Variants in DNMT3A observed in about 807,000 individuals in gnomAD.
The protein encoded by DNMT3A is DNA methyltransferase 3 alpha, also known as DNA (cytosine-5)-methyltransferase 3A.
Under a neutral mutation model 117.6 loss-of-function variants are expected in DNMT3A, and 267 were observed. The observed-to-expected ratio is 2.27, with a 90% CI of 2.05 to 2.51. DNMT3A has a LOEUF of 2.51. Among genes scored for constraint, DNMT3A ranks in the 30% most tolerant of loss-of-function variants. The probability of loss-of-function intolerance (pLI) is 0.00; values close to 1 mark genes in which losing one functional copy is unlikely to be tolerated. For synonymous variants in DNMT3A, 432 were observed against 474.8 expected, an observed-to-expected ratio of 0.91 and a Z score of 1.17; for missense variants, 1,029 against 1,260.2, an observed-to-expected ratio of 0.82 and a Z score of 2.78.
intron 6 of DNMT3A, among the ~76,000 whole-genome samples, chr2:25,255,593 A>T (rs1315727204): frequency 1.3e-5 from 2 of 152,210 alleles, no homozygotes; most frequent in Non-Finnish European, 2.9e-5. Context: ...CCTAAGCCCG[A>T]CAAAAATACC....
rs1675084990 is a variant in DNMT3A at position 25,248,183 on chromosome 2, G to A, written c.709C>T (p.Gln237Ter). Residue 237 changes from glutamine to a stop codon, truncating the protein, a stop_gained, in exon 7 of 23, where the codon CAG becomes TAG. Transcript: ENST00000321117. LOFTEE classifies it high-confidence loss of function. ...VEENQGPGES[Q>*]KVEEASPPAV... is the part of the protein sequence containing the mutation. ...GGAGGGCTGGCCTCCTCCACCTTCT[G>A]AGACTCCCCGGGCCCCTGGTTTTCT... The A allele has an allele frequency of 3.1e-6, 5 of 1,613,724 alleles. No homozygotes were observed. The highest frequency in any genetic ancestry group is 1.3e-5 in the African/African-American group (1 of 74,904).
chr2:25,266,800 G>T (rs1025942710), intron 6 of DNMT3A, among the ~76,000 whole-genome samples: 5 of 152,320 alleles, frequency 3.3e-5, no homozygotes, highest in African/African-American at 1.2e-4. Flanking sequence ...GTTGGCAAAG[G>T]TCTTCTCATA....
intron 17 of DNMT3A, among the ~76,000 whole-genome samples, chr2:25,241,132 G>A (rs1673977353): frequency 6.6e-6 from 1 of 152,206 alleles, no homozygotes; most frequent in Admixed American, 6.5e-5. Flanking sequence ...CCCTGCCTGA[G>A]CCTCCCAGAT....
intron 1 of DNMT3A, among the ~76,000 whole-genome samples, chr2:25,340,502 C>A (rs1415245508): frequency 2.0e-5 from 3 of 151,854 alleles, no homozygotes; most frequent in Admixed American, 2.0e-4. Context: ...CCGCGCCAGC[C>A]CGGTCCGCGC....
chr2:25,230,380 C>T lies in DNMT3A; in HGVS notation c.*3899G>A, dbSNP rs1672820653. The T allele has an allele frequency of 6.6e-6, 1 of 152,282 alleles. No individual in the cohort carries two copies. Among genetic ancestry groups the T allele is most frequent in the Admixed American group, 6.5e-5 (1 of 15,282 alleles). The allele number at this position is 152,282 out of a possible 1,614,324, so 9.4% of individuals were successfully genotyped here. A position where few individuals can be genotyped will look rare whatever the true frequency, so the allele number is the denominator to read the frequency against. ...CCAGCACGAGCACCTGGCTACCTCCCCCAGGCAAGAGCCACGGATCTCTTT... is the reference window on the plus strand; with the variant it reads ...CCAGCACGAGCACCTGGCTACCTCCTCCAGGCAAGAGCCACGGATCTCTTT... On this transcript the variant is annotated 3_prime_UTR_variant, in exon 23 of 23. Coordinates refer to ENST00000321117, the MANE Select transcript of DNMT3A (RefSeq NM_022552.5).
At chr2:25,244,011 C>A in intron 15 of DNMT3A, 29 bp from the exon 16 acceptor site, 1 of 1,547,430 alleles carries the variant, frequency 6.5e-7, no homozygotes, top group Non-Finnish European at 8.7e-7. Context: ...AGGTCAGATG[C>A]AGGCCCAGCG....
At chr2:25,268,373 T>C (rs1274043840) in intron 6 of DNMT3A, among the ~76,000 whole-genome samples, 1 of 152,092 alleles carries the variant, frequency 6.6e-6, no homozygotes, top group Non-Finnish European at 1.5e-5. Context: ...AACTGAGTCC[T>C]AAAACCACCA....
rs755376933 is a variant in DNMT3A at position 25,240,426 on chromosome 2, T to C, written c.2198A>G (p.Glu733Gly). The C allele has an allele frequency of 6.2e-7, 1 of 1,611,722 alleles. No individual in the cohort carries two copies. Among genetic ancestry groups the C allele is most frequent in the Non-Finnish European group, 8.5e-7 (1 of 1,178,876 alleles). ...CGCATCATGCAGGAGGCGGTAGAAC[T>C]CAAAGAAGAGCCGGCCAGTGCCCTC... ...LYEGTGRLFF[E>G]FYRLLHDARP... Residue 733 changes from glutamate (E) to glycine (G), a missense_variant, in exon 19 of 23, where the codon GAG becomes GGG. Physicochemically the swap from Glu to Gly is moderately conservative, Grantham distance 98. Coordinates refer to ENST00000321117, the MANE Select transcript of DNMT3A (RefSeq NM_022552.5).
Position 25,229,718 on chromosome 2 carries a change from T to C in DNMT3A, c.*4561A>G, listed in dbSNP as rs1672797969. ...TAAAAGCAACAGCTCTGAAAGACAC[T>C]TGGGGCCACTGCAACTCCGCACCAA... On this transcript the variant is annotated 3_prime_UTR_variant, in exon 23 of 23. Coordinates refer to ENST00000321117, the MANE Select transcript of DNMT3A (RefSeq NM_022552.5). The C allele has an allele frequency of 6.6e-6, 1 of 152,382 alleles. No individual in the cohort carries two copies. Among genetic ancestry groups the C allele is most frequent in the Non-Finnish European group, 1.5e-5 (1 of 68,090 alleles). The allele number at this position is 152,382 out of a possible 1,614,324, so 9.4% of individuals were successfully genotyped here. A position where few individuals can be genotyped will look rare whatever the true frequency, so the allele number is the denominator to read the frequency against.
rs2149289907 is a variant in DNMT3A at position 25,244,295 on chromosome 2, C to T, written c.1711G>A (p.Ala571Thr). 1 of 1,610,800 alleles carries T rather than the reference C, an allele frequency of 6.2e-7. No homozygotes were observed. Among genetic ancestry groups the T allele is most frequent in the Non-Finnish European group, 8.5e-7 (1 of 1,178,862 alleles). ...TCTTCCTTAATGGCTGCCTGGGCAG[C>T]CCCCGGCCCCACCAAGAGGTCCACA... ...ECVDLLVGPG[A>T]AQAAIKEDPW... The change falls in exon 15 of 23, where the codon GCT becomes ACT. Residue 571 changes from alanine to threonine, a missense_variant. Transcript: ENST00000321117.
intron 6 of DNMT3A, among the ~76,000 whole-genome samples, chr2:25,270,643 GGTCAGTGGATCAACACT>G (rs2030794284): frequency 6.6e-6 from 1 of 152,024 alleles, no homozygotes; most frequent in Non-Finnish European, 1.5e-5. Flanking sequence ...GTGGGTAAGG[GGTCAGTGGATCAACACT>G]GGCAGAGGGT....
chr2:25,321,387 T>G (rs1298721694), intron 1 of DNMT3A, among the ~76,000 whole-genome samples: 1 of 152,232 alleles, frequency 6.6e-6, no homozygotes, highest in African/African-American at 2.4e-5. Flanking sequence ...CAACATCTCC[T>G]GCTCTGACTA....
In DNMT3A at chr2:25,233,342, T is replaced by G; in HGVS notation, c.*937A>C. 4.3e-6 allele frequency: 1 copy of G among 233,716 alleles called. No individual in the cohort carries two copies. The highest frequency in any genetic ancestry group is 6.0e-5 in the East Asian group (1 of 16,718). 14.5% of individuals were successfully genotyped at this position (233,716 alleles called of 1,614,324 possible). On this transcript the variant is annotated 3_prime_UTR_variant, in exon 23 of 23. Coordinates refer to ENST00000321117, the MANE Select transcript of DNMT3A (RefSeq NM_022552.5). ...TCTGCAAGCTGTCTCCCTTTCTCCA[T>G]CCTTGGTGAAACCCTTTGCGCAGAA...
At chr2:25,340,625 G>T (rs898440159) in intron 1 of DNMT3A, among the ~76,000 whole-genome samples, 5 of 152,120 alleles carry the variant, frequency 3.3e-5, no homozygotes, top group Non-Finnish European at 5.9e-5. Flanking sequence ...GTGCGGGGAC[G>T]TGGGGCCGAA....
At chr2:25,319,584 G>C (rs2034514932) in intron 1 of DNMT3A, among the ~76,000 whole-genome samples, 1 of 152,180 alleles carries the variant, frequency 6.6e-6, no homozygotes, top group Non-Finnish European at 1.5e-5. Flanking sequence ...GGGAAAAGAG[G>C]CCGCATGCCA....
At chr2:25,335,968 C>A (rs1395139033) in intron 1 of DNMT3A, among the ~76,000 whole-genome samples, 16 of 151,470 alleles carry the variant, frequency 1.1e-4, no homozygotes, top group South Asian at 8.3e-4. Flanking sequence ...AAAAAAAAAA[C>A]AAACCACTCC....
In DNMT3A at chr2:25,252,370, T is replaced by C; in HGVS notation, c.640-4118A>G. 1.6e-6 allele frequency: 1 copy of C among 643,936 alleles called. No homozygotes were observed. Among genetic ancestry groups the C allele is most frequent in the Non-Finnish European group, 2.4e-6 (1 of 421,294 alleles). 39.9% of individuals were successfully genotyped at this position (643,936 alleles called of 1,614,324 possible). A position where few individuals can be genotyped will look rare whatever the true frequency, so the allele number is the denominator to read the frequency against. On this transcript the variant is annotated intron_variant, in intron 6 of 22. Coordinates refer to ENST00000321117, the MANE Select transcript of DNMT3A (RefSeq NM_022552.5). This position sits in a 1 kb window ranked among gnomAD's most constrained non-coding sequence, Gnocchi z 5.5. Reference sequence around the variant, plus strand: ...GGGGAGGGAGGGAACATTTTCTTTGTCTAGGACTCCAGGTCACGTGGGCCC... The same window carrying C: ...GGGGAGGGAGGGAACATTTTCTTTGCCTAGGACTCCAGGTCACGTGGGCCC...
At chr2:25,314,334 C>A (rs1159809057) in intron 1 of DNMT3A, 173 bp from the exon 2 acceptor site, 2 of 985,244 alleles carry the variant, frequency 2.0e-6, no homozygotes, top group African/African-American at 3.5e-5. Flanking sequence ...AGGGCCACCT[C>A]CTACCCCAGC....
intron 19 of DNMT3A, chr2:25,239,557 T>TA (rs1454751858): frequency 1.5e-5 from 8 of 547,654 alleles, no homozygotes; most frequent in Admixed American, 2.2e-5. Context: ...TGGTTAATGT[T>TA]AATGTAAACA....
Sources: gnomAD v4.1 joint callset for allele counts (sites outside exome capture counted in the v4.1 genomes callset) on GRCh38, gnomAD v4.1.1 for gene constraint, Gnocchi (gnomAD v3.1) non-coding constraint, MANE v1.5 for transcripts, NCBI Gene and HGNC (gene_info 2026-07-23, HGNC 2026-07-21) for gene names.